KIDINS220: variants seen among roughly 807,000 people sequenced by gnomAD.
The protein encoded by KIDINS220 is kinase D interacting substrate 220.
Under a neutral mutation model 157.6 loss-of-function variants are expected in KIDINS220, and 63 were observed. The ratio of observed to expected loss-of-function variants is 0.40; its 90% confidence interval spans 0.33 to 0.49. The LOEUF (loss-of-function observed/expected upper bound fraction) is 0.49. Ranked by LOEUF, KIDINS220 falls within the 20% of genes least tolerant of loss-of-function variation. The pLI is 0.66. For synonymous variants in KIDINS220, 732 were observed against 783.6 expected, an observed-to-expected ratio of 0.93 and a Z score of 1.10; for missense variants, 1,772 against 2,171.2, an observed-to-expected ratio of 0.82 and a Z score of 3.65.
chr2:8,799,538 A>C (rs1674410062), intron 9 of KIDINS220, among the ~76,000 whole-genome samples: 1 of 152,176 alleles, frequency 6.6e-6, no homozygotes, highest in Non-Finnish European at 1.5e-5. Context: ...CTCAAGACTC[A>C]TACTTGAACC....
intron 15 of KIDINS220, among the ~76,000 whole-genome samples, chr2:8,788,112 G>T (rs1672668180): frequency 6.6e-6 from 1 of 152,146 alleles, no homozygotes. Flanking sequence ...AGTTAAACAG[G>T]TTTCTTTATG....
chr2:8,817,559 C>T (rs1425508648), intron 4 of KIDINS220, 59 bp downstream of exon 4: 2 of 954,762 alleles, frequency 2.1e-6, no homozygotes, highest in Non-Finnish European at 3.2e-6. Context: ...ATATTTCACA[C>T]ATATCTATGA....
intron 26 of KIDINS220, among the ~76,000 whole-genome samples, chr2:8,744,089 A>C (rs1666005558): frequency 6.8e-6 from 1 of 146,334 alleles, no homozygotes; most frequent in Admixed American, 6.9e-5. Context: ...AACATCTTTT[A>C]TATTACTATA....
intron 6 of KIDINS220, among the ~76,000 whole-genome samples, chr2:8,808,471 C>T (rs759935809): frequency 2.2e-4 from 34 of 152,242 alleles, no homozygotes; most frequent in Non-Finnish European, 4.0e-4. Context: ...TGCCTCAGCA[C>T]ATGAGCCGGC....
chr2:8,832,917 T>C (rs1196072388), intron 1 of KIDINS220, among the ~76,000 whole-genome samples: 1 of 152,000 alleles, frequency 6.6e-6, no homozygotes, highest in Non-Finnish European at 1.5e-5. Flanking sequence ...AACTAATACA[T>C]AATAATTGTA....
Position 8,757,670 on chromosome 2 carries a change from C to T in KIDINS220, c.3012-6026G>A, listed in dbSNP as rs751678292. The T allele has an allele frequency of 4.9e-5, 79 of 1,612,356 alleles. No individual in the cohort carries two copies. In the East Asian group the frequency reaches 1.6e-3, roughly 33 times the overall value. ...GAGGGAGTCATGGCCTGTTCCATGTCCTGCTTATTTGCAAATGCCATTAAA... is the reference window on the plus strand; with the variant it reads ...GAGGGAGTCATGGCCTGTTCCATGTTCTGCTTATTTGCAAATGCCATTAAA... On this transcript the variant is annotated intron_variant, in intron 22 of 29. Transcript: ENST00000256707.
chr2:8,836,919 T>C (rs1469151950), intron 1 of KIDINS220, among the ~76,000 whole-genome samples: 1 of 152,230 alleles, frequency 6.6e-6, no homozygotes, highest in Non-Finnish European at 1.5e-5. Flanking sequence ...TACAAAGTGA[T>C]GAAGAAATTA....
intron 27 of KIDINS220, 52 bp from the exon 28 acceptor site, chr2:8,734,805 C>G: frequency 7.6e-7 from 1 of 1,311,308 alleles, no homozygotes; most frequent in South Asian, 1.3e-5. Flanking sequence ...GTGAAATATT[C>G]TGAATTACTA....
At chr2:8,752,003 C>A (rs1299165839) in intron 22 of KIDINS220, among the ~76,000 whole-genome samples, 1 of 152,040 alleles carries the variant, frequency 6.6e-6, no homozygotes, top group Non-Finnish European at 1.5e-5. Flanking sequence ...TCATGCCCAG[C>A]CAAAAAATCT....
intron 21 of KIDINS220, among the ~76,000 whole-genome samples, chr2:8,772,347 G>A (rs1670344266): frequency 1.3e-5 from 2 of 151,920 alleles, no homozygotes; most frequent in African/African-American, 4.8e-5. Flanking sequence ...GTGGTGGCAG[G>A]CACCTGCAGT....
chr2:8,800,507 A>G lies in KIDINS220; in HGVS notation c.802-9T>C. ...AACACAGTATCCCCACTCTAAGAAG[A>G]CAGAAAATAAAAACAAAAACAAGGT... On this transcript the variant is annotated splice_polypyrimidine_tract_variant and intron_variant, in intron 8 of 29. Coordinates refer to ENST00000256707, the MANE Select transcript of KIDINS220 (RefSeq NM_020738.4). 1.3e-6 allele frequency: 2 copies of G among 1,580,848 alleles called. No homozygotes were observed. The highest frequency in any genetic ancestry group is 1.7e-6 in the Non-Finnish European group (2 of 1,160,870).
chr2:8,836,342 AC>A (rs1382132951), intron 1 of KIDINS220, among the ~76,000 whole-genome samples: 1 of 152,186 alleles, frequency 6.6e-6, no homozygotes, highest in Non-Finnish European at 1.5e-5. Context: ...GGTTGGAGAA[AC>A]CCACCCAATA....
At chr2:8,803,168 C>T in intron 7 of KIDINS220, 41 bp from the exon 8 acceptor site, 1 of 1,448,624 alleles carries the variant, frequency 6.9e-7, no homozygotes, top group Admixed American at 2.0e-5. Flanking sequence ...AACGCAAGCC[C>T]AAGAAATTAA....
At chr2:8,803,209 T>C (rs943511286) in intron 7 of KIDINS220, 82 bp from the exon 8 acceptor site, 11 of 1,172,038 alleles carry the variant, frequency 9.4e-6, no homozygotes, top group African/African-American at 1.5e-5. Context: ...ATTTATGCCA[T>C]AATCATAAAA....
chr2:8,751,392 T>C, intron 23 of KIDINS220, 74 bp downstream of exon 23: 1 of 1,291,972 alleles, frequency 7.7e-7, no homozygotes, highest in Non-Finnish European at 1.1e-6. Context: ...AGGAGAAATG[T>C]ACACAAATAA....
chr2:8,730,427 C>T lies in KIDINS220; in HGVS notation c.*293G>A. 1 of 1,200,614 alleles carries T rather than the reference C, an allele frequency of 8.3e-7. No individual in the cohort carries two copies. The highest frequency in any genetic ancestry group is 3.2e-5 in the South Asian group (1 of 30,864). 74.4% of individuals were successfully genotyped at this position (1,200,614 alleles called of 1,614,324 possible). A position where few individuals can be genotyped will look rare whatever the true frequency, so the allele number is the denominator to read the frequency against. On this transcript the variant is annotated 3_prime_UTR_variant, in exon 30 of 30. Transcript: ENST00000256707. ...AAAATACTTCTGACCTATCTTTATA[C>T]TCAGATCTCACCTCGTCTCAAAAAG...
At chr2:8,739,179 C>A (rs1211562328) in intron 26 of KIDINS220, among the ~76,000 whole-genome samples, 4 of 152,176 alleles carry the variant, frequency 2.6e-5, no homozygotes, top group Non-Finnish European at 1.5e-5. Flanking sequence ...CTTTCACAAT[C>A]TTTTTACAAC....
chr2:8,828,345 C>T (rs760075037), intron 1 of KIDINS220, among the ~76,000 whole-genome samples: 1 of 152,252 alleles, frequency 6.6e-6, no homozygotes, highest in Non-Finnish European at 1.5e-5. Context: ...ACCGACCCCA[C>T]ACAGGCTTCA....
At chr2:8,782,774 CAACAA>C (rs991231118) in intron 17 of KIDINS220, among the ~76,000 whole-genome samples, 2 of 152,134 alleles carry the variant, frequency 1.3e-5, no homozygotes, top group Non-Finnish European at 2.9e-5. Context: ...CAAAAAACCT[CAACAA>C]AATATTAGAA....
Sources: allele counts gnomAD v4.1 joint callset (sites outside exome capture counted in the v4.1 genomes callset), GRCh38; gene constraint gnomAD v4.1.1; transcripts MANE v1.5; gene names NCBI Gene and HGNC (gene_info 2026-07-23, HGNC 2026-07-21).